The following NRG3 variants were observed in gnomAD, a reference collection of about 807,000 sequenced individuals.
NRG3 encodes pro-neuregulin-3, membrane-bound isoform.
In NRG3, 31 loss-of-function variants were observed where a neutral mutation model predicts 66.9. That is an observed-to-expected ratio of 0.46 (90% confidence interval 0.35 to 0.63). The LOEUF (loss-of-function observed/expected upper bound fraction) is 0.63, where lower values mean the gene tolerates loss of function less well. Among genes scored for constraint, NRG3 ranks in the 20% least tolerant of loss-of-function variants. The probability of loss-of-function intolerance (pLI) is 0.00; values close to 1 mark genes in which losing one functional copy is unlikely to be tolerated. For missense variants in NRG3, 910 were observed against 878.9 expected (o/e 1.04, Z -0.45); for synonymous variants, 393 against 359.4 (o/e 1.09, Z -1.06).
At chr10:82,174,332 C>G (rs1413424303) in intron 1 of NRG3, among the ~76,000 whole-genome samples, 1 of 151,934 alleles carries the variant, frequency 6.6e-6, no homozygotes, top group Non-Finnish European at 1.5e-5. Context: ...TCATACTTAC[C>G]TCTTTCCAGC....
chr10:82,748,850 C>T (rs1417466371), intron 3 of NRG3, among the ~76,000 whole-genome samples: 2 of 151,834 alleles, frequency 1.3e-5, no homozygotes, highest in African/African-American at 4.8e-5. Flanking sequence ...AGGATACACA[C>T]TTAGTCAATG....
rs1166327643 is a variant in NRG3, at chr10:82,959,060, T to C, written c.1269T>C (p.His423=). ...MAKSENLVKS[H]VQLQNYSKVE... Reference sequence around the variant, plus strand: ...AGTCAGAGAACTTGGTGAAGAGCCATGTCCAGCTGCAAAATGTAAGTGACA... The same window carrying C: ...AGTCAGAGAACTTGGTGAAGAGCCACGTCCAGCTGCAAAATGTAAGTGACA... Residue 423 remains histidine (H), a synonymous_variant, in exon 6 of 9, where the codon CAT becomes CAC. Transcript: ENST00000372141. 8.1e-6 allele frequency: 13 copies of C among 1,602,698 alleles called. No homozygotes were observed. Among genetic ancestry groups the C allele is most frequent in the African/African-American group, 1.3e-5 (1 of 74,348 alleles).
At chr10:82,114,055 C>T (rs944339747) in intron 1 of NRG3, among the ~76,000 whole-genome samples, 2 of 152,146 alleles carry the variant, frequency 1.3e-5, no homozygotes, top group South Asian at 2.1e-4. Context: ...CTGCTCTGGA[C>T]GTTTTACATG....
chr10:82,812,488 G>A (rs2061530867), intron 3 of NRG3, among the ~76,000 whole-genome samples: 1 of 152,240 alleles, frequency 6.6e-6, no homozygotes, highest in East Asian at 1.9e-4. Context: ...TTAATCCTAG[G>A]TGAGATAAAA....
At chr10:82,126,481 C>T (rs1022742688) in intron 1 of NRG3, among the ~76,000 whole-genome samples, 46 of 151,936 alleles carry the variant, frequency 3.0e-4, no homozygotes, top group Non-Finnish European at 2.9e-5. Flanking sequence ...GTAGATGTTT[C>T]GGTAGATCAG....
chr10:82,574,100 A>G (rs1590726170), intron 2 of NRG3, among the ~76,000 whole-genome samples: 2 of 151,838 alleles, frequency 1.3e-5, no homozygotes, highest in African/African-American at 4.8e-5. Context: ...TTATGGCAGC[A>G]CTATTCACAA....
At chr10:82,709,202 A>T (rs1490820696) in intron 2 of NRG3, among the ~76,000 whole-genome samples, 1 of 152,290 alleles carries the variant, frequency 6.6e-6, no homozygotes, top group Non-Finnish European at 1.5e-5. Context: ...GCAGTTTTCT[A>T]TTCACACTAG....
At chr10:82,426,027 G>T (rs2136278182) in intron 2 of NRG3, among the ~76,000 whole-genome samples, 1 of 152,246 alleles carries the variant, frequency 6.6e-6, no homozygotes, top group South Asian at 2.1e-4. Context: ...CTTCCTCTAA[G>T]GTAAAACGGG....
At chr10:82,813,172 A>C (rs2061562611) in intron 3 of NRG3, among the ~76,000 whole-genome samples, 1 of 151,780 alleles carries the variant, frequency 6.6e-6, no homozygotes, top group African/African-American at 2.4e-5. Context: ...AAAAAAACAC[A>C]AAGTACATTA....
chr10:82,550,030 C>T (rs1399997947), intron 2 of NRG3, among the ~76,000 whole-genome samples: 1 of 152,016 alleles, frequency 6.6e-6, no homozygotes, highest in Non-Finnish European at 1.5e-5. Context: ...TTTCCCTCAT[C>T]TAAAGAAATT....
At chr10:82,699,968 C>T (rs1016013367) in intron 2 of NRG3, among the ~76,000 whole-genome samples, 2 of 151,694 alleles carry the variant, frequency 1.3e-5, no homozygotes, top group Non-Finnish European at 2.9e-5. Flanking sequence ...AATAATAATT[C>T]AGGAAAAAGA....
At chr10:82,423,644 A>C (rs2089228698) in intron 2 of NRG3, among the ~76,000 whole-genome samples, 1 of 152,010 alleles carries the variant, frequency 6.6e-6, no homozygotes, top group Non-Finnish European at 1.5e-5. Context: ...TATTTTTTAA[A>C]GAGCTTTATT....
At chr10:82,738,306 G>A (rs1236332534) in intron 2 of NRG3, among the ~76,000 whole-genome samples, 2 of 152,190 alleles carry the variant, frequency 1.3e-5, no homozygotes, top group African/African-American at 4.8e-5. Context: ...TTAGATTGCT[G>A]TGAGGTATCT....
At chr10:82,881,730 A>G (rs17101004) in intron 4 of NRG3, among the ~76,000 whole-genome samples, 7,083 of 152,292 alleles carry the variant, frequency 0.047, 216 homozygotes, top group Middle Eastern at 0.1. Context: ...GTGTGTATGT[A>G]TCTATCTATA....
At chr10:82,692,948 G>T (rs2055059309) in intron 2 of NRG3, among the ~76,000 whole-genome samples, 1 of 152,118 alleles carries the variant, frequency 6.6e-6, no homozygotes, top group Non-Finnish European at 1.5e-5. Context: ...CCAACAGAGG[G>T]TCAGGACACA....
intron 1 of NRG3, among the ~76,000 whole-genome samples, chr10:82,244,628 C>T (rs1192354151): frequency 6.6e-6 from 1 of 152,038 alleles, no homozygotes; most frequent in Non-Finnish European, 1.5e-5. Flanking sequence ...GGTCCACAAC[C>T]ATTTTGGCAC....
At chr10:82,975,073 T>C (rs11819041) in intron 7 of NRG3, among the ~76,000 whole-genome samples, 13,772 of 152,282 alleles carry the variant, frequency 0.09, 813 homozygotes, top group African/African-American at 0.15. Context: ...TCTTGGATAA[T>C]TGCTTTAGCT....
intron 2 of NRG3, among the ~76,000 whole-genome samples, chr10:82,563,205 G>T (rs1354207529): frequency 6.6e-6 from 1 of 151,954 alleles, no homozygotes; most frequent in African/African-American, 2.4e-5. Flanking sequence ...ATTATTTTTT[G>T]AAGCCATTAT....
chr10:82,216,096 TAG>T (rs2075661498), intron 1 of NRG3, among the ~76,000 whole-genome samples: 1 of 40,928 alleles, frequency 2.4e-5, no homozygotes, highest in Non-Finnish European at 3.7e-5. Context: ...GCCTCCCAAG[TAG>T]AGTAGCTAGG....
Sources: gnomAD v4.1 joint callset for allele counts (sites outside exome capture counted in the v4.1 genomes callset) on GRCh38, gnomAD v4.1.1 for gene constraint, MANE v1.5 for transcripts, NCBI Gene and HGNC (gene_info 2026-07-23, HGNC 2026-07-21) for gene names.